SLC27A2: variants seen among roughly 807,000 people sequenced by gnomAD.
SLC27A2 encodes the protein long-chain fatty acid transport protein 2.
Under a neutral mutation model 60.0 loss-of-function variants are expected in SLC27A2, and 54 were observed. The ratio of observed to expected loss-of-function variants is 0.90; its 90% CI spans 0.72 to 1.13. The LOEUF (loss-of-function observed/expected upper bound fraction) is 1.13, where lower values mean the gene tolerates loss of function less well. Among genes scored for constraint, SLC27A2 ranks in the 50% most tolerant of loss-of-function variants. The probability of loss-of-function intolerance (pLI) is 0.00; values close to 1 mark genes in which losing one functional copy is unlikely to be tolerated. For missense variants in SLC27A2, 739 were observed against 777.6 expected (o/e 0.95, Z 0.59); for synonymous variants, 297 against 297.6 (o/e 1.00, Z 0.02).
chr15:50,200,614 G>A (rs929728070), intron 2 of SLC27A2, among the ~76,000 whole-genome samples: 1 of 152,162 alleles, frequency 6.6e-6, no homozygotes, highest in African/African-American at 2.4e-5. Context: ...AGTCAACAGA[G>A]ATCTGTCTTC....
At chr15:50,223,912 C>G (rs79886617) in intron 5 of SLC27A2, among the ~76,000 whole-genome samples, 1 of 152,210 alleles carries the variant, frequency 6.6e-6, no homozygotes, top group African/African-American at 2.4e-5. Context: ...AGAACTCCCA[C>G]GCAACCTGTG....
rs372972989 is a variant in SLC27A2, at chr15:50,224,357, G to A, written c.1167+1198G>A. ...CGGGAGGCTGAGGCAGGAGAATGGC[G>A]TGAACCCGGGAGGCGGAGCTTGCAG... On this transcript the variant is annotated intron_variant, in intron 5 of 9. Transcript: ENST00000267842. Among the ~76,000 whole-genome samples the A allele has an allele frequency of 5.3e-5, 8 of 152,196 alleles. No individual in the cohort carries two copies. The East Asian group carries it at 1.6e-3, about 30-fold the overall frequency.
chr15:50,223,114 T>C lies in SLC27A2; in HGVS notation c.1122T>C (p.Tyr374=). Residue 374 remains tyrosine (Y), a synonymous_variant, in exon 5 of 10, where the codon TAT becomes TAC. Transcript: ENST00000267842. ...AAGGCAATATTGGATTTATGAATTATGCGAGAAAAGTTGGTGCTGTTGGAA... is the reference window on the plus strand; with the variant it reads ...AAGGCAATATTGGATTTATGAATTACGCGAGAAAAGTTGGTGCTGTTGGAA... ...ATEGNIGFMN[Y]ARKVGAVGRV... is the part of the protein sequence containing the mutation. 1.2e-6 allele frequency: 2 copies of C among 1,613,970 alleles called. No individual in the cohort carries two copies. Among genetic ancestry groups the C allele is most frequent in the Non-Finnish European group, 1.7e-6 (2 of 1,179,954 alleles).
At position 50,236,111 on chromosome 15, in the gene SLC27A2, A is replaced by C. The variant is rs372046557; in HGVS notation, c.*15A>C. 42 of 1,540,798 alleles carry C rather than the reference A, an allele frequency of 2.7e-5. No homozygotes were observed. The highest frequency in any genetic ancestry group is 1.4e-4 in the East Asian group (6 of 42,896). ...TGAAACTCTGAATATTCCCAGGAGG[A>C]TAACTCAACATTTCCAGAAAGAAAC... is the stretch of plus-strand genomic sequence containing the variant. On this transcript the variant is annotated 3_prime_UTR_variant, in exon 10 of 10. Transcript: ENST00000267842.
At chr15:50,232,793 C>T (rs1336515129) in intron 8 of SLC27A2, among the ~76,000 whole-genome samples, 2 of 152,194 alleles carry the variant, frequency 1.3e-5, no homozygotes, top group Non-Finnish European at 2.9e-5. Context: ...GCCTCTCTCC[C>T]TCAGACAAGA....
chr15:50,184,139 CACCA>C (rs1417768988), intron 1 of SLC27A2, among the ~76,000 whole-genome samples: 2 of 151,772 alleles, frequency 1.3e-5, no homozygotes, highest in Non-Finnish European at 2.9e-5. Context: ...CACAGGCATG[CACCA>C]CCATGCCCAG....
At chr15:50,185,191 G>C (rs2140893066) in intron 1 of SLC27A2, among the ~76,000 whole-genome samples, 1 of 152,266 alleles carries the variant, frequency 6.6e-6, no homozygotes. Context: ...ATTACAACCA[G>C]ATACCCTCTT....
intron 1 of SLC27A2, 131 bp from the exon 2 acceptor site, chr15:50,197,369 C>G: frequency 1.7e-6 from 1 of 605,704 alleles, no homozygotes; most frequent in Middle Eastern, 3.8e-4. Flanking sequence ...TAACGATAAG[C>G]ATCATTTGTC....
At chr15:50,188,553 A>T (rs1348592054) in intron 1 of SLC27A2, among the ~76,000 whole-genome samples, 1 of 152,234 alleles carries the variant, frequency 6.6e-6, no homozygotes, top group South Asian at 2.1e-4. Flanking sequence ...CTGCCCAAGG[A>T]GTAACTTAAA....
chr15:50,198,664 C>A (rs1462436224), intron 2 of SLC27A2, among the ~76,000 whole-genome samples: 1 of 152,062 alleles, frequency 6.6e-6, no homozygotes, highest in Non-Finnish European at 1.5e-5. Flanking sequence ...AAAAGAAGGA[C>A]AGGAAGCCAG....
chr15:50,218,436 G>A (rs1214068259), intron 4 of SLC27A2, among the ~76,000 whole-genome samples: 1 of 152,080 alleles, frequency 6.6e-6, no homozygotes, highest in South Asian at 2.1e-4. Context: ...ACATCCGAGG[G>A]CTGGACAGAC....
chr15:50,208,287 T>A (rs1377525131), intron 4 of SLC27A2, among the ~76,000 whole-genome samples: 1 of 152,258 alleles, frequency 6.6e-6, no homozygotes, highest in African/African-American at 2.4e-5. Flanking sequence ...CTATGGAGAA[T>A]GCTTCCAGCC....
At chr15:50,205,048 T>A (rs1480070885) in intron 3 of SLC27A2, among the ~76,000 whole-genome samples, 191 bp from the exon 4 acceptor site, 1 of 151,802 alleles carries the variant, frequency 6.6e-6, no homozygotes, top group East Asian at 1.9e-4. Flanking sequence ...TTCTCCTCCA[T>A]AGATTGGAAG....
rs555678915 is a variant in SLC27A2 at position 50,182,878 on chromosome 15, G to C, written c.451G>C (p.Gly151Arg). The C allele has an allele frequency of 1.2e-6, 2 of 1,610,604 alleles. No homozygotes were observed. The highest frequency in any genetic ancestry group is 4.5e-5 in the East Asian group (2 of 44,842). Residue 151 changes from glycine (G) to arginine (R), a missense_variant, in exon 1 of 10, where the codon GGG (glycine) becomes CGG (arginine). Transcript: ENST00000267842. ...KSLLHCFQCC[G>R]AKVLLVSPEL... ...CCTGCTGCACTGCTTCCAGTGCTGCGGGGCGAAGGTGCTGCTGGTGTCGCC... is the reference window on the plus strand; with the variant it reads ...CCTGCTGCACTGCTTCCAGTGCTGCCGGGCGAAGGTGCTGCTGGTGTCGCC...
Position 50,182,566 on chromosome 15 carries a change from G to A in SLC27A2, c.139G>A (p.Gly47Arg). 1.9e-6 allele frequency: 3 copies of A among 1,611,470 alleles called. No homozygotes were observed. Among genetic ancestry groups the A allele is most frequent in the South Asian group, 1.1e-5 (1 of 90,976 alleles). The change falls in exon 1 of 10, where the codon GGG (glycine) becomes AGG (arginine). Residue 47 changes from glycine to arginine, a missense_variant. Physicochemically the swap from Gly to Arg is moderately radical, Grantham distance 125 (BLOSUM62 -2). Transcript: ENST00000267842. ...AAVGRRVRSY[G>R]KRRPARTILR... ...CGTGGGCCGGAGGGTGCGCAGCTAC[G>A]GGAAGCGGCGGCCGGCGCGCACCAT...
At chr15:50,225,933 T>A in intron 5 of SLC27A2, 55 bp from the exon 6 acceptor site, 2 of 1,296,790 alleles carry the variant, frequency 1.5e-6, no homozygotes, top group Non-Finnish European at 2.2e-6. Context: ...ATACCACAAT[T>A]AAAAAGGGAA....
intron 1 of SLC27A2, among the ~76,000 whole-genome samples, chr15:50,187,813 T>C (rs1033782919): frequency 2.6e-5 from 4 of 152,140 alleles, no homozygotes; most frequent in South Asian, 4.1e-4. Flanking sequence ...TATTGCATCA[T>C]TAAAAGCTAT....
intron 1 of SLC27A2, among the ~76,000 whole-genome samples, chr15:50,187,003 A>G (rs2044930408): frequency 6.6e-6 from 1 of 152,238 alleles, no homozygotes; most frequent in African/African-American, 2.4e-5. Flanking sequence ...CAGTATATGT[A>G]AAGGACCAGC....
At chr15:50,222,919 C>T (rs760471712) in intron 4 of SLC27A2, 46 bp from the exon 5 acceptor site, 3 of 1,435,254 alleles carry the variant, frequency 2.1e-6, no homozygotes, top group Non-Finnish European at 2.9e-6. Context: ...TAAGCATAGG[C>T]TCCAGAGATG....
Sources: gnomAD v4.1 joint callset for allele counts (sites outside exome capture counted in the v4.1 genomes callset) on GRCh38, gnomAD v4.1.1 for gene constraint, MANE v1.5 for transcripts, NCBI Gene and HGNC (gene_info 2026-07-23, HGNC 2026-07-21) for gene names.